SORCS1: variants seen among roughly 807,000 people sequenced by gnomAD.
SORCS1 encodes VPS10 domain-containing receptor SorCS1.
A neutral mutation model predicts 146.1 loss-of-function variants in SORCS1; 60 were observed. That is an observed-to-expected ratio of 0.41 (90% confidence interval 0.33 to 0.51). The LOEUF (loss-of-function observed/expected upper bound fraction) is 0.51, where lower values mean the gene tolerates loss of function less well. Ranked by LOEUF, SORCS1 falls within the 20% of genes least tolerant of loss-of-function variation. The probability of loss-of-function intolerance (pLI) is 0.21; values close to 1 mark genes in which losing one functional copy is unlikely to be tolerated. For synonymous variants in SORCS1, 637 were observed against 584.0 expected, an observed-to-expected ratio of 1.09 and a Z score of -1.31; for missense variants, 1,352 against 1,487.6, an observed-to-expected ratio of 0.91 and a Z score of 1.50.
At chr10:106,736,815 C>G (rs1856980537) in intron 5 of SORCS1, among the ~76,000 whole-genome samples, 1 of 152,158 alleles carries the variant, frequency 6.6e-6, no homozygotes, top group Non-Finnish European at 1.5e-5. Context: ...CACTGTCAGT[C>G]ACATTGGTTC....
At chr10:106,719,527 C>G (rs992517509) in intron 6 of SORCS1, among the ~76,000 whole-genome samples, 2 of 151,992 alleles carry the variant, frequency 1.3e-5, no homozygotes, top group South Asian at 4.2e-4. Context: ...ATTCTCCTGC[C>G]TCAGCCTCCC....
intron 5 of SORCS1, among the ~76,000 whole-genome samples, chr10:106,743,372 C>A (rs372515402): frequency 2.0e-5 from 3 of 152,254 alleles, no homozygotes; most frequent in African/African-American, 7.2e-5. Context: ...CCCACCACAC[C>A]ACCATCCATC....
intron 23 of SORCS1, among the ~76,000 whole-genome samples, chr10:106,604,677 C>T (rs1261308386): frequency 6.6e-6 from 1 of 152,140 alleles, no homozygotes; most frequent in African/African-American, 2.4e-5. Context: ...TTGTTTTTCT[C>T]CATTTTGAGT....
At chr10:106,798,906 G>T (rs943627118) in intron 3 of SORCS1, among the ~76,000 whole-genome samples, 3 of 152,188 alleles carry the variant, frequency 2.0e-5, no homozygotes, top group Non-Finnish European at 4.4e-5. Flanking sequence ...AACCATAAAA[G>T]AGCCCGCATT....
chr10:106,636,884 T>C (rs1848757510), intron 18 of SORCS1, among the ~76,000 whole-genome samples: 1 of 152,348 alleles, frequency 6.6e-6, no homozygotes, highest in Middle Eastern at 3.4e-3. Context: ...AACTACTCTG[T>C]GGTGCTCATT....
At chr10:106,810,855 A>C (rs978270175) in intron 3 of SORCS1, among the ~76,000 whole-genome samples, 2 of 152,218 alleles carry the variant, frequency 1.3e-5, no homozygotes, top group African/African-American at 2.4e-5. Flanking sequence ...CCAGCAGCCA[A>C]ATGCAAAATA....
Position 106,790,784 on chromosome 10 carries a change from G to A in SORCS1, c.727-14092C>T, listed in dbSNP as rs140477215. On this transcript the variant is annotated intron_variant, in intron 3 of 25. Coordinates refer to ENST00000263054, the MANE Select transcript of SORCS1 (RefSeq NM_052918.5). ...GGACAGGTTTTTAAGCTACTTGTCC[G>A]ATGTCTAGCTCTTGCTAGGTATGAA... Among the ~76,000 whole-genome samples, 466 of 152,286 alleles carry A rather than the reference G, an allele frequency of 3.1e-3. 2 individuals are homozygous for A. The highest frequency in any genetic ancestry group is 0.01 in the African/African-American group (435 of 41,542).
chr10:106,950,357 C>T (rs942801717), intron 2 of SORCS1, among the ~76,000 whole-genome samples: 7 of 152,216 alleles, frequency 4.6e-5, no homozygotes, highest in Non-Finnish European at 7.3e-5. Flanking sequence ...TCAACAGCCT[C>T]TTGGCCTCTT....
At chr10:107,017,067 A>C (rs757341812) in intron 1 of SORCS1, among the ~76,000 whole-genome samples, 35 of 152,226 alleles carry the variant, frequency 2.3e-4, no homozygotes, top group Non-Finnish European at 4.0e-4. Flanking sequence ...ATGGAACTGT[A>C]AATTGCATTA....
chr10:107,028,891 C>T (rs893312021), intron 1 of SORCS1, among the ~76,000 whole-genome samples: 3 of 152,186 alleles, frequency 2.0e-5, no homozygotes, highest in Non-Finnish European at 2.9e-5. Context: ...CACTTAATCT[C>T]GCTTGACTTC....
intron 2 of SORCS1, among the ~76,000 whole-genome samples, chr10:106,944,649 T>C (rs529995542): frequency 3.3e-5 from 5 of 152,298 alleles, no homozygotes; most frequent in African/African-American, 9.6e-5. Flanking sequence ...TACGTATTTA[T>C]ACATTCAATT....
chr10:106,696,692 G>C (rs1853730120), intron 9 of SORCS1, among the ~76,000 whole-genome samples: 2 of 152,174 alleles, frequency 1.3e-5, no homozygotes, highest in African/African-American at 4.8e-5. Context: ...AGGTCGCCTT[G>C]TTTCCTCTTT....
At chr10:106,593,480 C>A (rs1845734096) in intron 24 of SORCS1, among the ~76,000 whole-genome samples, 1 of 152,162 alleles carries the variant, frequency 6.6e-6, no homozygotes, top group Non-Finnish European at 1.5e-5. Context: ...ACCAGCATAG[C>A]CAAACTCAAT....
intron 18 of SORCS1, among the ~76,000 whole-genome samples, chr10:106,645,555 A>G (rs1448382823): frequency 6.6e-6 from 1 of 152,048 alleles, no homozygotes; most frequent in African/African-American, 2.4e-5. Context: ...ATTATAAATT[A>G]AGTTGCATTA....
chr10:106,632,175 A>C (rs946134248), intron 18 of SORCS1, among the ~76,000 whole-genome samples: 43 of 152,194 alleles, frequency 2.8e-4, no homozygotes, highest in African/African-American at 9.9e-4. Context: ...CTCCAATCAA[A>C]TGTGAAGTCC....
At chr10:107,119,143 A>G (rs2134522113) in intron 1 of SORCS1, among the ~76,000 whole-genome samples, 1 of 152,378 alleles carries the variant, frequency 6.6e-6, no homozygotes, top group Non-Finnish European at 1.5e-5. Context: ...CTGGTAATAT[A>G]GGAAGTGAAA....
intron 2 of SORCS1, among the ~76,000 whole-genome samples, chr10:106,907,813 G>A (rs1304635305): frequency 6.6e-6 from 1 of 151,666 alleles, no homozygotes; most frequent in African/African-American, 2.4e-5. Flanking sequence ...TATAGTCCCA[G>A]CTACTTGGGA....
chr10:106,910,333 A>AGAGT (rs1952092156), intron 2 of SORCS1, among the ~76,000 whole-genome samples: 1 of 141,236 alleles, frequency 7.1e-6, no homozygotes, highest in African/African-American at 2.8e-5. Context: ...ATATATATAT[A>AGAGT]GAGAGTGAGC....
At chr10:107,133,846 A>G (rs2134655307) in intron 1 of SORCS1, among the ~76,000 whole-genome samples, 1 of 152,330 alleles carries the variant, frequency 6.6e-6, no homozygotes, top group African/African-American at 2.4e-5. Flanking sequence ...CCAGCTTTCA[A>G]CTTTAGATTT....
Sources: allele counts gnomAD v4.1 joint callset (sites outside exome capture counted in the v4.1 genomes callset), GRCh38; gene constraint gnomAD v4.1.1; transcripts MANE v1.5; gene names NCBI Gene and HGNC (gene_info 2026-07-23, HGNC 2026-07-21).